Variants in KIF1B observed in about 807,000 individuals in gnomAD.
KIF1B encodes the protein kinesin family member 1B.
KIF1B carries 76 observed loss-of-function variants against 241.9 expected under a neutral mutation model. That is an observed-to-expected ratio of 0.31 (90% CI 0.26 to 0.38). KIF1B has a LOEUF of 0.38. Among genes scored for constraint, KIF1B ranks in the 10% least tolerant of loss-of-function variants. The pLI is 1.00. For missense variants in KIF1B, 1,622 were observed against 2,271.4 expected (o/e 0.71, Z 5.81); for synonymous variants, 750 against 796.7 (o/e 0.94, Z 0.99).
At chr1:10,339,439 A>G (rs1471108228) in intron 31 of KIF1B, among the ~76,000 whole-genome samples, 3 of 152,238 alleles carry the variant, frequency 2.0e-5, no homozygotes, top group East Asian at 3.8e-4. Flanking sequence ...TCTGTACAAA[A>G]TGACATTGTT....
intron 4 of KIF1B, among the ~76,000 whole-genome samples, chr1:10,259,295 A>C (rs1647977899): frequency 6.6e-6 from 1 of 151,816 alleles, no homozygotes; most frequent in Admixed American, 6.6e-5. Flanking sequence ...GAAAGACATA[A>C]GTATTTAAAA....
chr1:10,343,325 T>C (rs925212876), intron 34 of KIF1B, 38 bp downstream of exon 34: 1 of 1,575,320 alleles, frequency 6.3e-7, no homozygotes, highest in Non-Finnish European at 8.7e-7. Context: ...ATGATCTCTT[T>C]GTGAATACAT....
chr1:10,303,254 C>G lies in KIF1B; in HGVS notation c.2115+6008C>G. 6.2e-7 allele frequency: 1 copy of G among 1,614,102 alleles called. No individual in the cohort carries two copies. The highest frequency in any genetic ancestry group is 8.5e-7 in the Non-Finnish European group (1 of 1,180,002). ...ACTTCTCTGAGAGAAAAGCTACCTC[C>G]CAGCAAGTTGCAAACCATTGTTAAA... On this transcript the variant is annotated intron_variant, in intron 22 of 48. Coordinates refer to ENST00000676179, the MANE Select transcript of KIF1B (RefSeq NM_001365951.3). This position sits in a 1 kb window ranked among gnomAD's most constrained non-coding sequence, Gnocchi z 5.2.
At chr1:10,261,834 T>TG in intron 4 of KIF1B, 71 bp from the exon 5 acceptor site, 2 of 916,062 alleles carry the variant, frequency 2.2e-6, no homozygotes. Flanking sequence ...GCTAATTCAT[T>TG]GAGCACGCGT....
At chr1:10,338,042 G>A (rs774298548) in intron 31 of KIF1B, among the ~76,000 whole-genome samples, 3 of 152,072 alleles carry the variant, frequency 2.0e-5, no homozygotes, top group South Asian at 2.1e-4. Flanking sequence ...GCTCTTTCCC[G>A]CGGCCCTCTC....
At chr1:10,274,063 A>G (rs374825996) in intron 10 of KIF1B, among the ~76,000 whole-genome samples, 5 of 151,220 alleles carry the variant, frequency 3.3e-5, no homozygotes, top group Admixed American at 3.3e-4. Context: ...CAGCCTCCCA[A>G]GTAGCTGAGA....
At chr1:10,320,235 T>A in intron 23 of KIF1B, 99 bp downstream of exon 23, 2 of 776,170 alleles carry the variant, frequency 2.6e-6, no homozygotes, top group Non-Finnish European at 4.4e-6. Flanking sequence ...TCCTCTTAGT[T>A]GGCCCTATCA....
intron 38 of KIF1B, among the ~76,000 whole-genome samples, chr1:10,356,975 G>A (rs1638269409): frequency 6.6e-6 from 1 of 152,110 alleles, no homozygotes. Context: ...GAATTCCTGG[G>A]CTCAAGCAGT....
At position 10,365,045 on chromosome 1, in the gene KIF1B, A is replaced by G; in HGVS notation, c.4367-55A>G. 1.3e-6 allele frequency: 2 copies of G among 1,483,490 alleles called. No individual in the cohort carries two copies. Among genetic ancestry groups the G allele is most frequent in the Non-Finnish European group, 1.8e-6 (2 of 1,085,778 alleles). The allele number at this position is 1,483,490 out of a possible 1,614,324, so 91.9% of individuals were successfully genotyped here. On this transcript the variant is annotated intron_variant, in intron 41 of 48. Transcript: ENST00000676179. The surrounding 1 kb of genome is among the most constrained non-coding windows in gnomAD (Gnocchi z 4.0). ...AAGAATTATTAATTCGTTTTGACCT[A>G]AACTTGGAATTGAATTTTTTTTCTG...
chr1:10,235,862 CAAA>C (rs70997211), intron 2 of KIF1B, among the ~76,000 whole-genome samples: 17 of 70,344 alleles, frequency 2.4e-4, no homozygotes, highest in African/African-American at 3.3e-4. Context: ...AACACTGTCT[CAAA>C]AAAAAAAAAA....
At chr1:10,341,916 G>A (rs1460108834) in intron 32 of KIF1B, 134 bp from the exon 33 acceptor site, 1 of 701,020 alleles carries the variant, frequency 1.4e-6, no homozygotes, top group South Asian at 1.6e-5. Flanking sequence ...GGCCGCATGA[G>A]CCTTGTTTGC....
intron 22 of KIF1B, among the ~76,000 whole-genome samples, chr1:10,309,547 C>T (rs1650980101): frequency 2.6e-5 from 4 of 151,408 alleles, no homozygotes. Context: ...CCATTAGGAG[C>T]CAAGCCTTTA....
chr1:10,269,733 G>T (rs562608185), intron 7 of KIF1B, among the ~76,000 whole-genome samples: 4 of 152,076 alleles, frequency 2.6e-5, no homozygotes, highest in Non-Finnish European at 5.9e-5. Flanking sequence ...CAGGAGAATC[G>T]CTTGAACCTG....
chr1:10,255,255 C>T (rs1647707866), intron 2 of KIF1B, among the ~76,000 whole-genome samples: 1 of 152,098 alleles, frequency 6.6e-6, no homozygotes, highest in Non-Finnish European at 1.5e-5. Context: ...AGCTCCATTT[C>T]TGATGTGTTC....
In KIF1B at chr1:10,232,426, A is replaced by T; in HGVS notation, c.98A>T (p.Asn33Ile). ...AAATGCATCATTCAGATGCAAGGCA[A>T]CTCGACCAGTGAGTACATGTTGTTT... ...ESKCIIQMQG[N>I]STSIINPKNP... is the part of the protein sequence containing the mutation. Residue 33 changes from asparagine (N) to isoleucine (I), a missense_variant, in exon 2 of 49, where the codon AAC becomes ATC. Asn to Ile is a moderately radical substitution (Grantham distance 149). Transcript: ENST00000676179. 1.2e-6 allele frequency: 2 copies of T among 1,609,970 alleles called. No individual in the cohort carries two copies. Among genetic ancestry groups the T allele is most frequent in the South Asian group, 2.2e-5 (2 of 90,932 alleles).
In KIF1B at chr1:10,292,121, A is replaced by G. The variant is rs1650030708; in HGVS notation, c.1589A>G (p.Lys530Arg). The G allele has an allele frequency of 6.2e-7, 1 of 1,612,918 alleles. No homozygotes were observed. The highest frequency in any genetic ancestry group is 1.3e-5 in the African/African-American group (1 of 75,032). Residue 530 changes from lysine (K) to arginine (R), a missense_variant and splice_region_variant, in exon 17 of 49, where the codon AAG becomes AGG. By Grantham distance (26) the Lys-to-Arg change is conservative. Around this residue, in one of 7 missense-constraint regions of KIF1B, gnomAD observed 57 missense variants for 149.0 expected, o/e 0.38. Coordinates refer to ENST00000676179, the MANE Select transcript of KIF1B (RefSeq NM_001365951.3). ...ACCCTAGGGGTTTTCTCACCTAAAA[A>G]GGTAGGAAACAATGCTGTGAAACCT... ...GGTLGVFSPKKTPHLVNLNED... is the reference protein window; with the variant it reads ...GGTLGVFSPKRTPHLVNLNED...
chr1:10,279,803 C>A (rs1361427422), intron 14 of KIF1B, among the ~76,000 whole-genome samples: 1 of 136,946 alleles, frequency 7.3e-6, no homozygotes, highest in Non-Finnish European at 1.5e-5. Flanking sequence ...CTCAAGTGAT[C>A]TTTCCAGCTC....
Position 10,365,531 on chromosome 1 carries a change from C to G in KIF1B, c.4635C>G (p.Ile1545Met). The change falls in exon 43 of 49, where the codon ATC (isoleucine) becomes ATG (methionine). Residue 1545 changes from isoleucine to methionine, a missense_variant. By Grantham distance (10) the Ile-to-Met change is conservative. Transcript: ENST00000676179. This position sits in a 1 kb window ranked among gnomAD's most constrained non-coding sequence, Gnocchi z 4.0. ...SSGTLSTSTSISSQISTTTFE... is the reference protein window; with the variant it reads ...SSGTLSTSTSMSSQISTTTFE... ...GGACCCTCAGCACCTCCACCAGTATCTCCTCTCAGATCTCAACCACTACCT... is the reference window on the plus strand; with the variant it reads ...GGACCCTCAGCACCTCCACCAGTATGTCCTCTCAGATCTCAACCACTACCT... 6.2e-7 allele frequency: 1 copy of G among 1,614,194 alleles called. No individual in the cohort carries two copies. The highest frequency in any genetic ancestry group is 1.1e-5 in the South Asian group (1 of 91,088).
At chr1:10,233,074 C>T (rs543416431) in intron 2 of KIF1B, among the ~76,000 whole-genome samples, 1 of 152,058 alleles carries the variant, frequency 6.6e-6, no homozygotes, top group Non-Finnish European at 1.5e-5. Flanking sequence ...TTTTGTGATA[C>T]CAGAAGAATC....
Sources: allele counts gnomAD v4.1 joint callset (sites outside exome capture counted in the v4.1 genomes callset), GRCh38; gene constraint gnomAD v4.1.1; regional missense constraint gnomAD v4.1.1; non-coding constraint Gnocchi (gnomAD v3.1); transcripts MANE v1.5; gene names NCBI Gene and HGNC (gene_info 2026-07-23, HGNC 2026-07-21).